The following BMPR1A variants were observed in gnomAD, a reference collection of about 807,000 sequenced individuals.
BMPR1A encodes bone morphogenetic protein receptor type 1A.
Under a neutral mutation model 66.0 loss-of-function variants are expected in BMPR1A, and 7 were observed. The ratio of observed to expected loss-of-function variants is 0.11; its 90% CI spans 0.06 to 0.20. The LOEUF is 0.20. BMPR1A is among the 10% of genes least tolerant of loss of function. The probability of loss-of-function intolerance (pLI) is 1.00; values close to 1 mark genes in which losing one functional copy is unlikely to be tolerated. For synonymous variants in BMPR1A, 200 were observed against 229.7 expected (o/e 0.87, Z 1.17); for missense variants, 408 against 669.1 (o/e 0.61, Z 4.31).
intron 3 of BMPR1A, among the ~76,000 whole-genome samples, chr10:86,876,804 G>C (rs997442427): frequency 4.6e-5 from 7 of 152,154 alleles, no homozygotes; most frequent in Non-Finnish European, 1.0e-4. Flanking sequence ...TTTTATTGTT[G>C]TTAAAAGACT....
downstream of BMPR1A, chr10:86,928,048 TTAAG>T (rs934477914): frequency 7.0e-5 from 12 of 171,328 alleles, no homozygotes; most frequent in Non-Finnish European, 1.4e-4. Flanking sequence ...TTTGTAATGA[TTAAG>T]TTAGTGTATA....
At chr10:86,855,330 G>A in intron 2 of BMPR1A, 1 of 909,650 alleles carries the variant, frequency 1.1e-6, no homozygotes, top group East Asian at 2.8e-5. Context: ...CTTTAAGTAA[G>A]TTTCTATTTG....
chr10:86,760,240 C>CTTTTT (rs1841025806), intron 1 of BMPR1A, among the ~76,000 whole-genome samples: 1 of 17,496 alleles, frequency 5.7e-5, no homozygotes, highest in Admixed American at 8.2e-4. Flanking sequence ...TTCTTTCTTT[C>CTTTTT]TTTCTTTCTT....
chr10:86,900,172 G>C, intron 7 of BMPR1A, 46 bp downstream of exon 7: 1 of 1,566,362 alleles, frequency 6.4e-7, no homozygotes, highest in African/African-American at 1.4e-5. Flanking sequence ...TCAAATATTA[G>C]ATGTCAACCG....
At chr10:86,820,465 C>A (rs953400491) in intron 1 of BMPR1A, among the ~76,000 whole-genome samples, 5 of 150,922 alleles carry the variant, frequency 3.3e-5, no homozygotes, top group African/African-American at 1.2e-4. Flanking sequence ...TGTATGACTT[C>A]TTTTCTTCCT....
chr10:86,792,025 A>G (rs920080402), intron 1 of BMPR1A, among the ~76,000 whole-genome samples: 1 of 144,254 alleles, frequency 6.9e-6, no homozygotes, highest in African/African-American at 2.6e-5. Context: ...AGCCTCCAGT[A>G]GAATTTTTAC....
chr10:86,805,372 A>G (rs1589724706), intron 1 of BMPR1A, among the ~76,000 whole-genome samples: 1 of 136,628 alleles, frequency 7.3e-6, no homozygotes, highest in South Asian at 2.3e-4. Flanking sequence ...CTTCACTCCT[A>G]CCTGTACACA....
At chr10:86,923,249 T>C (rs1843693105) in intron 11 of BMPR1A, 127 bp from the exon 12 acceptor site, 1 of 1,285,864 alleles carries the variant, frequency 7.8e-7, no homozygotes, top group Non-Finnish European at 1.1e-6. Flanking sequence ...GAGTGAATCA[T>C]AGTGTCTATA....
chr10:86,803,240 A>G (rs1362388014), intron 1 of BMPR1A, among the ~76,000 whole-genome samples: 1 of 152,096 alleles, frequency 6.6e-6, no homozygotes, highest in Admixed American at 6.5e-5. Context: ...AGAAAATTAA[A>G]TTTGGTGTTA....
intron 1 of BMPR1A, among the ~76,000 whole-genome samples, chr10:86,790,366 C>A (rs1036480628): frequency 6.6e-6 from 1 of 150,996 alleles, no homozygotes; most frequent in Non-Finnish European, 1.5e-5. Context: ...AATATAAAAT[C>A]GTGCAGCTGG....
chr10:86,890,223 A>G lies in BMPR1A; in HGVS notation c.229A>G (p.Ile77Val), dbSNP rs878854666. The stretch of plus-strand genomic sequence containing the variant: ...AGATGATGCTATTAATAACACATGC[A>G]TGTAAGTATTTTATGCAGCCCTTCT... ...CPDDAINNTC[I>V]TNGHCFAIIE... Residue 77 changes from isoleucine to valine, a missense_variant and splice_region_variant, in exon 4 of 13, where the codon ATA (isoleucine) becomes GTA (valine). Around this residue, in one of 5 missense-constraint regions of BMPR1A, gnomAD observed 13 missense variants for 46.5 expected, o/e 0.28. Transcript: ENST00000372037. 1 of 1,614,104 alleles carries G rather than the reference A, an allele frequency of 6.2e-7. No individual in the cohort carries two copies. The highest frequency in any genetic ancestry group is 2.2e-5 in the East Asian group (1 of 44,860).
intron 1 of BMPR1A, among the ~76,000 whole-genome samples, chr10:86,772,435 T>G (rs1462072795): frequency 2.0e-5 from 3 of 152,094 alleles, no homozygotes; most frequent in African/African-American, 7.2e-5. Context: ...CGGCCAGAGA[T>G]AGATCTTTTT....
At chr10:86,892,680 C>A (rs1451671885) in intron 5 of BMPR1A, among the ~76,000 whole-genome samples, 1 of 151,948 alleles carries the variant, frequency 6.6e-6, no homozygotes, top group South Asian at 2.1e-4. Flanking sequence ...CTGCCCGCAT[C>A]GGCCCGCAAA....
At chr10:86,859,862 T>C (rs1321375187) in intron 2 of BMPR1A, among the ~76,000 whole-genome samples, 1 of 152,118 alleles carries the variant, frequency 6.6e-6, no homozygotes, top group Non-Finnish European at 1.5e-5. Flanking sequence ...CAACCTGTAT[T>C]GTTCAAAAAA....
chr10:86,801,862 G>A (rs1410142938), intron 1 of BMPR1A, among the ~76,000 whole-genome samples: 3 of 151,900 alleles, frequency 2.0e-5, no homozygotes, highest in African/African-American at 2.4e-5. Flanking sequence ...ACAGGCACCC[G>A]CCACCATGCC....
chr10:86,831,235 C>T (rs939713231), intron 1 of BMPR1A, among the ~76,000 whole-genome samples: 6 of 152,156 alleles, frequency 3.9e-5, no homozygotes, highest in African/African-American at 9.7e-5. Flanking sequence ...CACAGATGTA[C>T]GCATGCGAGT....
At chr10:86,765,331 C>G (rs369007531) in intron 1 of BMPR1A, among the ~76,000 whole-genome samples, 2 of 151,590 alleles carry the variant, frequency 1.3e-5, no homozygotes, top group Non-Finnish European at 2.9e-5. Flanking sequence ...ACTAAAAATA[C>G]AAAAATTAGC....
chr10:86,790,184 AAAAAATATATATATATATAT>A (rs1841586981), intron 1 of BMPR1A, among the ~76,000 whole-genome samples: 3 of 38,000 alleles, frequency 7.9e-5, no homozygotes, highest in African/African-American at 6.6e-4. Flanking sequence ...AAAAAAAAAA[AAAAAATATATATATATATAT>A]ATATATATAT....
At chr10:86,756,362 A>G (rs909712490), upstream of BMPR1A, 1 of 151,870 alleles carries the variant, frequency 6.6e-6, no homozygotes, top group Non-Finnish European at 1.5e-5. Flanking sequence ...TCCCGCCCGC[A>G]CCAGCAGCTC....
Sources: gnomAD v4.1 joint callset for allele counts (sites outside exome capture counted in the v4.1 genomes callset) on GRCh38, gnomAD v4.1.1 for gene constraint, gnomAD v4.1.1 regional missense constraint, MANE v1.5 for transcripts, NCBI Gene and HGNC (gene_info 2026-07-23, HGNC 2026-07-21) for gene names.